The following QTMAN variants were observed in gnomAD, a reference collection of about 807,000 sequenced individuals.
The protein encoded by QTMAN is queuosine-tRNA mannosyltransferase.
chr2:144,240,678 T>A, the QTMAN span, among the ~76,000 whole-genome samples: 95 of 152,360 alleles, frequency 6.2e-4, no homozygotes, highest in African/African-American at 2.1e-3. Context: ...TAGAGATTGA[T>A]GAAGGCATTC....
the QTMAN span, among the ~76,000 whole-genome samples, chr2:144,174,500 T>C: frequency 2.0e-5 from 3 of 152,208 alleles, no homozygotes; most frequent in Non-Finnish European, 4.4e-5. Context: ...TGTTACTTCA[T>C]ATTGGTTGGA....
the QTMAN span, chr2:143,957,171 A>G: frequency 6.4e-7 from 1 of 1,564,028 alleles, no homozygotes; most frequent in Non-Finnish European, 8.6e-7. Context: ...GCTTTATCAC[A>G]TATCACAAAC....
the QTMAN span, among the ~76,000 whole-genome samples, chr2:144,090,514 G>A: frequency 1.3e-5 from 2 of 151,862 alleles, no homozygotes; most frequent in South Asian, 2.1e-4. Context: ...TTAAAAATGC[G>A]AAACTGATGG....
At chr2:144,174,253 T>A in the QTMAN span, among the ~76,000 whole-genome samples, 1 of 152,062 alleles carries the variant, frequency 6.6e-6, no homozygotes, top group Non-Finnish European at 1.5e-5. Context: ...CTTACCTCCA[T>A]CTCCGCAAAT....
the QTMAN span, among the ~76,000 whole-genome samples, chr2:144,215,970 T>C: frequency 6.6e-6 from 1 of 152,178 alleles, no homozygotes; most frequent in African/African-American, 2.4e-5. Context: ...CACATGGCAA[T>C]TAAGACTCAT....
At chr2:143,961,089 T>G in the QTMAN span, among the ~76,000 whole-genome samples, 4 of 152,134 alleles carry the variant, frequency 2.6e-5, no homozygotes, top group African/African-American at 9.7e-5. Flanking sequence ...CCTTATAAAT[T>G]CCAGGACAGT....
the QTMAN span, among the ~76,000 whole-genome samples, chr2:144,231,843 G>GGTAT: frequency 1.4e-5 from 2 of 138,340 alleles, no homozygotes; most frequent in African/African-American, 5.4e-5. Context: ...GAATGAAAGA[G>GGTAT]GTGTGTGTGT....
the QTMAN span, among the ~76,000 whole-genome samples, chr2:143,978,634 C>T: frequency 3.9e-5 from 6 of 152,190 alleles, no homozygotes; most frequent in African/African-American, 9.7e-5. Flanking sequence ...GTCTTCCCTA[C>T]TCCTGGGATG....
chr2:144,007,250 A>G, the QTMAN span: 1 of 1,613,102 alleles, frequency 6.2e-7, no homozygotes, highest in South Asian at 1.1e-5. Context: ...TGTCACAGGG[A>G]TCAACAGTCA....
chr2:144,307,273 T>C, the QTMAN span, among the ~76,000 whole-genome samples: 1 of 129,360 alleles, frequency 7.7e-6, no homozygotes, highest in East Asian at 2.1e-4. Flanking sequence ...ACATGCAATA[T>C]AATAAAAGCT....
chr2:144,128,673 T>C, the QTMAN span, among the ~76,000 whole-genome samples: 1 of 152,030 alleles, frequency 6.6e-6, no homozygotes, highest in Non-Finnish European at 1.5e-5. Context: ...AACACCTCTC[T>C]ACTGTAGTTT....
the QTMAN span, among the ~76,000 whole-genome samples, chr2:144,133,997 A>G: frequency 1.3e-5 from 2 of 152,052 alleles, no homozygotes; most frequent in Non-Finnish European, 2.9e-5. Flanking sequence ...AATATCTGAG[A>G]AGTATGACCA....
At chr2:144,070,763 A>G in the QTMAN span, among the ~76,000 whole-genome samples, 1 of 152,142 alleles carries the variant, frequency 6.6e-6, no homozygotes, top group Non-Finnish European at 1.5e-5. Context: ...TTAAAATTAT[A>G]CGTTTCCAGT....
the QTMAN span, among the ~76,000 whole-genome samples, chr2:144,332,750 C>T: frequency 6.6e-6 from 1 of 152,040 alleles, no homozygotes; most frequent in African/African-American, 2.4e-5. Context: ...CCCACTGTCC[C>T]CCGGCCTCGC....
the QTMAN span, among the ~76,000 whole-genome samples, chr2:144,171,376 C>A: frequency 1.2e-4 from 18 of 152,074 alleles, no homozygotes; most frequent in South Asian, 6.2e-4. Flanking sequence ...TCTGAAATGA[C>A]CATATGTCTT....
At chr2:143,990,229 G>C in the QTMAN span, among the ~76,000 whole-genome samples, 1 of 152,030 alleles carries the variant, frequency 6.6e-6, no homozygotes, top group Non-Finnish European at 1.5e-5. Flanking sequence ...AAGGATGCAA[G>C]AGCCTGCTCT....
the QTMAN span, among the ~76,000 whole-genome samples, chr2:143,953,317 A>G: frequency 6.6e-6 from 1 of 151,828 alleles, no homozygotes; most frequent in African/African-American, 2.4e-5. Context: ...AAAATTTACA[A>G]TCTGTTGTAA....
the QTMAN span, among the ~76,000 whole-genome samples, chr2:144,062,183 C>A: frequency 6.6e-6 from 1 of 152,218 alleles, no homozygotes; most frequent in African/African-American, 2.4e-5. Flanking sequence ...CACTGTAACA[C>A]CCCTAGACCC....
the QTMAN span, among the ~76,000 whole-genome samples, chr2:143,990,125 T>A: frequency 6.6e-5 from 10 of 152,012 alleles, no homozygotes; most frequent in East Asian, 1.7e-3. Context: ...TCTGCTAGAT[T>A]ACGGTAATTC....
Sources: allele counts gnomAD v4.1 joint callset (sites outside exome capture counted in the v4.1 genomes callset), GRCh38; gene constraint gnomAD v4.1.1; transcripts MANE v1.5; gene names NCBI Gene and HGNC (gene_info 2026-07-23, HGNC 2026-07-21).